DDX17: variants seen among roughly 807,000 people sequenced by gnomAD.
The protein encoded by DDX17 is probable ATP-dependent RNA helicase DDX17.
Under a neutral mutation model 80.8 loss-of-function variants are expected in DDX17, and 10 were observed. The ratio of observed to expected loss-of-function variants is 0.12; its 90% CI spans 0.08 to 0.21. The LOEUF is 0.21. Among genes scored for constraint, DDX17 ranks in the 10% least tolerant of loss-of-function variants. DDX17 has a pLI of 1.00. For synonymous variants in DDX17, 339 were observed against 336.2 expected (o/e 1.01, Z -0.09); for missense variants, 586 against 957.4 (o/e 0.61, Z 5.12).
chr22:38,490,604 T>A (rs887711956), intron 11 of DDX17: 3 of 483,904 alleles, frequency 6.2e-6, no homozygotes, highest in African/African-American at 6.1e-5. Context: ...AGGGAACATT[T>A]AAGAGACCAT....
At chr22:38,496,564 A>G (rs926953297) in intron 5 of DDX17, among the ~76,000 whole-genome samples, 2 of 152,076 alleles carry the variant, frequency 1.3e-5, no homozygotes, top group African/African-American at 2.4e-5. Flanking sequence ...TGGCCAGGCT[A>G]GTCTCGAACT....
intron 9 of DDX17, 21 bp from the exon 10 acceptor site, chr22:38,493,792 A>G: frequency 6.2e-7 from 1 of 1,606,116 alleles, no homozygotes; most frequent in Non-Finnish European, 8.5e-7. Context: ...AAAAGTGACC[A>G]ATATTTTAAA....
chr22:38,490,539 G>A (rs993985999), intron 11 of DDX17: 10 of 975,222 alleles, frequency 1.0e-5, no homozygotes, highest in Non-Finnish European at 1.4e-5. Context: ...GGAAAGGGAA[G>A]TGGTAGCCTA....
intron 12 of DDX17, among the ~76,000 whole-genome samples, chr22:38,486,760 T>C (rs2089663657): frequency 2.0e-5 from 3 of 152,284 alleles, no homozygotes; most frequent in South Asian, 4.1e-4. Context: ...TCTGCAACTG[T>C]AGATGCAACT....
chr22:38,498,335 C>T lies in DDX17; in HGVS notation c.672+105G>A, dbSNP rs1177910110. ...ATATATTTAATAACTAAAATAGTAT[C>T]TAACTATCTGAATGGCACTTCTACG... On this transcript the variant is annotated intron_variant, in intron 4 of 12. Transcript: ENST00000403230. The T allele has an allele frequency of 2.7e-6, 4 of 1,500,352 alleles. No homozygotes were observed. The East Asian group carries it at 9.1e-5, about 34-fold the overall frequency. The allele number at this position is 1,500,352 out of a possible 1,614,324, so 92.9% of individuals were successfully genotyped here.
chr22:38,504,857 C>T (rs1362152125), intron 1 of DDX17, among the ~76,000 whole-genome samples: 1 of 151,708 alleles, frequency 6.6e-6, no homozygotes, highest in Non-Finnish European at 1.5e-5. Context: ...AAGGTAGGAT[C>T]TTGACCAAGG....
In DDX17 at chr22:38,484,977, A is replaced by G. The variant is rs2089640217; in HGVS notation, c.*958T>C. ...ATCTAGCTCTACACTGCATTTGAAA[A>G]TAAAATTTGCCCATTTTGAATATAT... On this transcript the variant is annotated 3_prime_UTR_variant, in exon 13 of 13. Transcript: ENST00000403230. 6.6e-6 allele frequency: 1 copy of G among 152,278 alleles called. No homozygotes were observed. Among genetic ancestry groups the G allele is most frequent in the Admixed American group, 6.5e-5 (1 of 15,292 alleles). 9.4% of individuals were successfully genotyped at this position (152,278 alleles called of 1,614,324 possible).
At chr22:38,494,474 T>G in intron 8 of DDX17, 156 bp downstream of exon 8, 1 of 715,552 alleles carries the variant, frequency 1.4e-6, no homozygotes, top group Non-Finnish European at 2.3e-6. Context: ...ACCATAATGC[T>G]CTGACAAATG....
chr22:38,495,430 A>G (rs11705586), intron 6 of DDX17, among the ~76,000 whole-genome samples: 24,315 of 151,964 alleles, frequency 0.16, 2,122 homozygotes, highest in East Asian at 0.2. Context: ...TATTTTTAGT[A>G]GAGACGGGGT....
In DDX17 at chr22:38,489,129, A is replaced by C; in HGVS notation, c.1448-1014T>G. On this transcript the variant is annotated intron_variant, in intron 11 of 12. Transcript: ENST00000403230. This position sits in a 1 kb window ranked among gnomAD's most constrained non-coding sequence, Gnocchi z 4.6. ...AGAATCCTACTGTTTTGTGGAAAAA[A>C]ATCTGCATTTTACAAAGAATATTCA... The C allele has an allele frequency of 1.0e-6, 1 of 984,826 alleles. No homozygotes were observed. Among genetic ancestry groups the C allele is most frequent in the Non-Finnish European group, 1.2e-6 (1 of 829,354 alleles). The allele number at this position is 984,826 out of a possible 1,614,324, so 61.0% of individuals were successfully genotyped here. A position where few individuals can be genotyped will look rare whatever the true frequency, so the allele number is the denominator to read the frequency against.
chr22:38,499,974 G>T (rs2089810762), intron 2 of DDX17, among the ~76,000 whole-genome samples: 1 of 151,578 alleles, frequency 6.6e-6, no homozygotes, highest in Admixed American at 6.6e-5. Context: ...AGACCAGCCT[G>T]GCCAACATGG....
chr22:38,494,964 G>A lies in DDX17; in HGVS notation c.963C>T (p.Tyr321=), dbSNP rs780687569. 1.2e-6 allele frequency: 2 copies of A among 1,614,194 alleles called. No individual in the cohort carries two copies. Among genetic ancestry groups the A allele is most frequent in the Admixed American group, 1.7e-5 (1 of 60,018 alleles). Reference sequence around the variant, plus strand: ...TTCTGTCAGCTTCGTCCAATACAAGGTAAGTACATCGGCGAAGATTTGTCT... The same window carrying A: ...TTCTGTCAGCTTCGTCCAATACAAGATAAGTACATCGGCGAAGATTTGTCT... The change falls in exon 7 of 13, where the codon TAC becomes TAT. Residue 321 remains tyrosine (Y), a synonymous_variant. Coordinates refer to ENST00000403230, the MANE Select transcript of DDX17 (RefSeq NM_006386.5).
At position 38,500,995 on chromosome 22, in the gene DDX17, CA is replaced by C; in HGVS notation, c.438+134del. ...AAAGGAAAAAAAAAAAAAAATTAAC[CA>C]AAAAATTTTTTAAGAAAAATATCAC... On this transcript the variant is annotated intron_variant, in intron 2 of 12. Coordinates refer to ENST00000403230, the MANE Select transcript of DDX17 (RefSeq NM_006386.5). 5.9e-6 allele frequency: 7 copies of C among 1,183,434 alleles called. No individual in the cohort carries two copies. In the East Asian group the frequency reaches 1.2e-4, roughly 21 times the overall value. 73.3% of individuals were successfully genotyped at this position (1,183,434 alleles called of 1,614,324 possible). A position where few individuals can be genotyped will look rare whatever the true frequency, so the allele number is the denominator to read the frequency against.
At chr22:38,490,478 T>C in intron 11 of DDX17, 1 of 1,282,026 alleles carries the variant, frequency 7.8e-7, no homozygotes, top group Non-Finnish European at 1.0e-6. Flanking sequence ...ACTTTTAGTT[T>C]AACAGTGTGT....
Position 38,501,111 on chromosome 22 carries a change from A to AAC in DDX17, c.438+17_438+18dup. 1 of 1,611,264 alleles carries AAC rather than the reference A, an allele frequency of 6.2e-7. No individual in the cohort carries two copies. Among genetic ancestry groups the AAC allele is most frequent in the Non-Finnish European group, 8.5e-7 (1 of 1,179,294 alleles). ...CTTGGTTCAATAATCTGTACATTAA[A>AAC]ACACACATGTAAACTTACTGGTGTC... On this transcript the variant is annotated intron_variant, in intron 2 of 12. Coordinates refer to ENST00000403230, the MANE Select transcript of DDX17 (RefSeq NM_006386.5).
intron 2 of DDX17, among the ~76,000 whole-genome samples, chr22:38,500,580 A>T (rs971838433): frequency 1.1e-4 from 17 of 152,066 alleles, no homozygotes; most frequent in Non-Finnish European, 2.1e-4. Flanking sequence ...AGGCTGAGGC[A>T]GGTCGATCAC....
chr22:38,489,936 A>G lies in DDX17; in HGVS notation c.1448-1821T>C, dbSNP rs1379283554. On this transcript the variant is annotated intron_variant, in intron 11 of 12. Coordinates refer to ENST00000403230, the MANE Select transcript of DDX17 (RefSeq NM_006386.5). This position sits in a 1 kb window ranked among gnomAD's most constrained non-coding sequence, Gnocchi z 4.6. The stretch of plus-strand genomic sequence containing the variant: ...CTGCATATGACCATGGCAGTAGAAC[A>G]AGTTCAATTACTACACTGGATGCGT... The G allele has an allele frequency of 5.0e-6, 5 of 997,606 alleles. No homozygotes were observed. Among genetic ancestry groups the G allele is most frequent in the Non-Finnish European group, 6.0e-6 (5 of 836,962 alleles). 61.8% of individuals were successfully genotyped at this position (997,606 alleles called of 1,614,324 possible).
Position 38,493,783 on chromosome 22 carries a change from A to C in DDX17, c.1326-12T>G. The C allele has an allele frequency of 6.2e-7, 1 of 1,611,218 alleles. No individual in the cohort carries two copies. The highest frequency in any genetic ancestry group is 8.5e-7 in the Non-Finnish European group (1 of 1,178,136). On this transcript the variant is annotated splice_polypyrimidine_tract_variant and intron_variant, in intron 9 of 12. Coordinates refer to ENST00000403230, the MANE Select transcript of DDX17 (RefSeq NM_006386.5). Reference sequence around the variant, plus strand: ...ACATAGCTGGCCAACTATCAGAAGAAAAGTGACCAATATTTTAAAAATCTT... The same window carrying C: ...ACATAGCTGGCCAACTATCAGAAGACAAGTGACCAATATTTTAAAAATCTT...
At chr22:38,499,949 G>C (rs1304707230) in intron 2 of DDX17, among the ~76,000 whole-genome samples, 3 of 151,874 alleles carry the variant, frequency 2.0e-5, no homozygotes, top group Non-Finnish European at 4.4e-5. Flanking sequence ...TGGATCACTT[G>C]AGGTCAGGAG....
Sources: gnomAD v4.1 joint callset for allele counts (sites outside exome capture counted in the v4.1 genomes callset) on GRCh38, gnomAD v4.1.1 for gene constraint, Gnocchi (gnomAD v3.1) non-coding constraint, MANE v1.5 for transcripts, NCBI Gene and HGNC (gene_info 2026-07-23, HGNC 2026-07-21) for gene names.